PDE4A: variants seen among roughly 807,000 people sequenced by gnomAD.
The protein encoded by PDE4A is phosphodiesterase 4A.
PDE4A carries 21 observed loss-of-function variants against 73.9 expected under a neutral mutation model. The observed-to-expected ratio is 0.28, with a 90% CI of 0.20 to 0.41. The LOEUF (loss-of-function observed/expected upper bound fraction) is 0.41. Ranked by LOEUF, PDE4A falls within the 10% of genes least tolerant of loss-of-function variation. PDE4A has a pLI of 1.00. For synonymous variants in PDE4A, 463 were observed against 505.4 expected, an observed-to-expected ratio of 0.92 and a Z score of 1.13; for missense variants, 958 against 1,211.4, an observed-to-expected ratio of 0.79 and a Z score of 3.10.
intron 13 of PDE4A, among the ~76,000 whole-genome samples, chr19:10,462,776 C>A (rs955576573): frequency 5.3e-5 from 8 of 152,096 alleles, no homozygotes; most frequent in African/African-American, 1.9e-4. Flanking sequence ...CTTCTCTTCC[C>A]TCACCCCCCT....
At position 10,450,949 on chromosome 19, in the gene PDE4A, G is replaced by A; in HGVS notation, c.783+8G>A. The A allele has an allele frequency of 6.3e-7, 1 of 1,585,150 alleles. No homozygotes were observed. Among genetic ancestry groups the A allele is most frequent in the East Asian group, 2.3e-5 (1 of 43,326 alleles). ...GAGATGGCCTCGCACAAGGTGTGCAGGTGGTGGGCAGAACCCCTGGGCGGG... is the reference window on the plus strand; with the variant it reads ...GAGATGGCCTCGCACAAGGTGTGCAAGTGGTGGGCAGAACCCCTGGGCGGG... On this transcript the variant is annotated splice_region_variant and intron_variant, in intron 6 of 14. Coordinates refer to ENST00000380702, the MANE Select transcript of PDE4A (RefSeq NM_001111307.2).
chr19:10,434,194 CTTCT>C (rs1043669554), intron 1 of PDE4A, among the ~76,000 whole-genome samples: 46 of 143,846 alleles, frequency 3.2e-4, no homozygotes, highest in Non-Finnish European at 6.5e-4. Flanking sequence ...TCCTTCTTTC[CTTCT>C]TTCTCTCTTT....
chr19:10,446,522 A>G, intron 2 of PDE4A, 113 bp downstream of exon 2: 1 of 1,271,616 alleles, frequency 7.9e-7, no homozygotes, highest in Non-Finnish European at 1.1e-6. Context: ...AGCACTCCCA[A>G]CCTGTCCTCC....
At chr19:10,428,357 CGAGAGAGAGAGAGAGA>C (rs56177515) in intron 1 of PDE4A, among the ~76,000 whole-genome samples, 7 of 137,298 alleles carry the variant, frequency 5.1e-5, no homozygotes, top group Admixed American at 1.5e-4. Context: ...GATCCTGTCT[CGAGAGAGAGAGAGAGA>C]GAGAGAGAGA....
chr19:10,453,110 AGCCCCCAGCC>A lies in PDE4A; in HGVS notation c.784-1718_784-1709del. The A allele has an allele frequency of 7.5e-7, 1 of 1,341,388 alleles. No individual in the cohort carries two copies. Among genetic ancestry groups the A allele is most frequent in the South Asian group, 1.8e-5 (1 of 54,986 alleles). 83.1% of individuals were successfully genotyped at this position (1,341,388 alleles called of 1,614,324 possible). On this transcript the variant is annotated intron_variant, in intron 6 of 14. Coordinates refer to ENST00000380702, the MANE Select transcript of PDE4A (RefSeq NM_001111307.2). This position sits in a 1 kb window ranked among gnomAD's most constrained non-coding sequence, Gnocchi z 4.6. Reference sequence around the variant, plus strand: ...CTGCTGGGAGCGCGGAGGGGAAGGGAGCCCCCAGCCCTGCTGGGCCGGCCCAGGCCCCTCC... The same window carrying A: ...CTGCTGGGAGCGCGGAGGGGAAGGGACTGCTGGGCCGGCCCAGGCCCCTCC...
chr19:10,435,802 A>C (rs1472362192), intron 1 of PDE4A, among the ~76,000 whole-genome samples: 1 of 152,102 alleles, frequency 6.6e-6, no homozygotes, highest in African/African-American at 2.4e-5. Context: ...GTGGCAAGCC[A>C]GGGAGGGGTG....
chr19:10,456,004 C>T (rs1198629776), intron 7 of PDE4A, among the ~76,000 whole-genome samples: 3 of 149,674 alleles, frequency 2.0e-5, no homozygotes, highest in African/African-American at 7.5e-5. Flanking sequence ...CCCCCAAATT[C>T]AATAGGATCT....
At chr19:10,423,110 C>G (rs1333347025) in intron 1 of PDE4A, 3 of 984,202 alleles carry the variant, frequency 3.0e-6, no homozygotes, top group Non-Finnish European at 3.6e-6. Flanking sequence ...GCAGGGTATT[C>G]CTGCTGGCAT....
At chr19:10,461,488 C>T (rs1322977585) in intron 11 of PDE4A, 38 bp from the exon 12 acceptor site, 4 of 1,607,860 alleles carry the variant, frequency 2.5e-6, no homozygotes, top group South Asian at 2.2e-5. Context: ...TGGAGCTGCA[C>T]ACGTGGGCCC....
chr19:10,453,058 G>C lies in PDE4A; in HGVS notation c.784-1771G>C, dbSNP rs2145552967. On this transcript the variant is annotated intron_variant, in intron 6 of 14. Transcript: ENST00000380702. The surrounding 1 kb of genome is among the most constrained non-coding windows in gnomAD (Gnocchi z 4.6). ...CGCGGGGGGGCCCGTTGGGGCCCAG[G>C]GCTGGCGGGCCATGTAACCAGGGCT... 2.2e-6 allele frequency: 3 copies of C among 1,350,986 alleles called. No homozygotes were observed. The highest frequency in any genetic ancestry group is 3.6e-5 in the South Asian group (2 of 56,000). 83.7% of individuals were successfully genotyped at this position (1,350,986 alleles called of 1,614,324 possible). A position where few individuals can be genotyped will look rare whatever the true frequency, so the allele number is the denominator to read the frequency against.
intron 6 of PDE4A, chr19:10,454,617 C>G: frequency 3.4e-6 from 1 of 294,438 alleles, no homozygotes; most frequent in African/African-American, 2.3e-5. Flanking sequence ...TTATGCTGAC[C>G]ATGACTCCCC....
At chr19:10,452,889 G>T in intron 6 of PDE4A, 1 of 910,628 alleles carries the variant, frequency 1.1e-6, no homozygotes, top group Non-Finnish European at 1.3e-6. Context: ...AGCACCACCT[G>T]ACATCCCATG....
intron 1 of PDE4A, among the ~76,000 whole-genome samples, chr19:10,423,702 G>A (rs1237876746): frequency 6.6e-6 from 1 of 152,184 alleles, no homozygotes; most frequent in Non-Finnish European, 1.5e-5. Context: ...TCTCCATTCA[G>A]GGACCTGGAC....
intron 1 of PDE4A, among the ~76,000 whole-genome samples, chr19:10,431,425 G>A (rs557894778): frequency 4.2e-4 from 64 of 152,324 alleles, no homozygotes; most frequent in South Asian, 4.1e-3. Context: ...TGTGAAATGG[G>A]GCCAGTCATG....
intron 1 of PDE4A, among the ~76,000 whole-genome samples, chr19:10,438,379 G>A (rs1472949215): frequency 6.6e-6 from 1 of 152,048 alleles, no homozygotes; most frequent in African/African-American, 2.4e-5. Context: ...CCAAAGTGCT[G>A]GGATTACAGG....
upstream of PDE4A, chr19:10,420,090 T>C (rs2042628841): frequency 6.6e-6 from 1 of 152,320 alleles, no homozygotes; most frequent in African/African-American, 2.4e-5. The surrounding 1 kb of genome is among the most constrained non-coding windows in gnomAD (Gnocchi z 6.0). Context: ...CCACACACTC[T>C]GCCGCCGCCC....
intron 8 of PDE4A, chr19:10,459,050 G>T: frequency 3.4e-6 from 1 of 296,282 alleles, no homozygotes. Context: ...AGCTGTGCTG[G>T]GGCCAGTCGT....
At position 10,427,981 on chromosome 19, in the gene PDE4A, G is replaced by A. The variant is rs535214356; in HGVS notation, c.320+6897G>A. 4.6e-4 allele frequency: 95 copies of A among 204,974 alleles called. 1 individual carries two copies. The South Asian group carries it at 0.017, about 36-fold the overall frequency. The allele number at this position is 204,974 out of a possible 1,614,324, so 12.7% of individuals were successfully genotyped here. A position where few individuals can be genotyped will look rare whatever the true frequency, so the allele number is the denominator to read the frequency against. On this transcript the variant is annotated intron_variant, in intron 1 of 14. Coordinates refer to ENST00000380702, the MANE Select transcript of PDE4A (RefSeq NM_001111307.2). ...CTTGCACTGCAGTCTGGGTGACAGAGTGAGACCCTGTCAAAAAAAAAAAAA... is the reference window on the plus strand; with the variant it reads ...CTTGCACTGCAGTCTGGGTGACAGAATGAGACCCTGTCAAAAAAAAAAAAA...
chr19:10,459,282 AC>A, intron 8 of PDE4A, 117 bp from the exon 9 acceptor site: 11 of 1,534,754 alleles, frequency 7.2e-6, no homozygotes, highest in Non-Finnish European at 9.6e-6. Context: ...TGAACCTGTC[AC>A]CCACTGGGTG....
Sources: gnomAD v4.1 joint callset for allele counts (sites outside exome capture counted in the v4.1 genomes callset) on GRCh38, gnomAD v4.1.1 for gene constraint, Gnocchi (gnomAD v3.1) non-coding constraint, MANE v1.5 for transcripts, NCBI Gene and HGNC (gene_info 2026-07-23, HGNC 2026-07-21) for gene names.